Variants in KIF14 observed in about 807,000 individuals in gnomAD.
The protein encoded by KIF14 is kinesin family member 14, also known as kinesin-like protein KIF14.
Under a neutral mutation model 176.2 loss-of-function variants are expected in KIF14, and 98 were observed. That is an observed-to-expected ratio of 0.56 (90% CI 0.47 to 0.66). The LOEUF is 0.66. KIF14 is among the 30% of genes least tolerant of loss of function. The pLI is 0.00. For synonymous variants in KIF14, 566 were observed against 632.2 expected, an observed-to-expected ratio of 0.90 and a Z score of 1.57; for missense variants, 1,751 against 1,920.4, an observed-to-expected ratio of 0.91 and a Z score of 1.65.
chr1:200,613,041 C>T (rs370533644), intron 4 of KIF14, among the ~76,000 whole-genome samples: 71 of 152,132 alleles, frequency 4.7e-4, no homozygotes, highest in African/African-American at 1.6e-3. Context: ...GCATGTGCCA[C>T]CACACCTGGC....
chr1:200,611,824 T>C (rs1660169689), intron 4 of KIF14, among the ~76,000 whole-genome samples: 1 of 152,216 alleles, frequency 6.6e-6, no homozygotes, highest in Non-Finnish European at 1.5e-5. Flanking sequence ...ACCTTTTGTA[T>C]AGATCAACTC....
rs1489871846 is a variant in KIF14 at position 200,589,213 on chromosome 1, T to C, written c.3114+4A>G. ...AGAGTTAACTGGTTACACAATAAAA[T>C]TACCTGTTTTGTAGCCAATGTTTCC... On this transcript the variant is annotated splice_donor_region_variant and intron_variant, in intron 18 of 29. Coordinates refer to ENST00000367350, the MANE Select transcript of KIF14 (RefSeq NM_014875.3). 1.3e-5 allele frequency: 20 copies of C among 1,592,760 alleles called. No homozygotes were observed. The highest frequency in any genetic ancestry group is 1.7e-5 in the Non-Finnish European group (20 of 1,170,212).
At chr1:200,575,795 T>C (rs2102632072) in intron 21 of KIF14, 104 bp from the exon 22 acceptor site, 1 of 543,538 alleles carries the variant, frequency 1.8e-6, no homozygotes, top group East Asian at 3.1e-5. Flanking sequence ...AACCATAAAA[T>C]TAGCAGATTA....
chr1:200,572,237 T>C (rs1270090783), intron 22 of KIF14, among the ~76,000 whole-genome samples: 3 of 152,234 alleles, frequency 2.0e-5, no homozygotes, highest in Admixed American at 6.5e-5. Context: ...TTAGAAAACA[T>C]TGAGATGTTT....
chr1:200,585,171 T>C lies in KIF14; in HGVS notation c.3241+930A>G, dbSNP rs922749173. Among the ~76,000 whole-genome samples the C allele has an allele frequency of 2.6e-5, 4 of 151,894 alleles. No homozygotes were observed. The East Asian group carries it at 7.7e-4, about 29-fold the overall frequency. On this transcript the variant is annotated intron_variant, in intron 19 of 29. Coordinates refer to ENST00000367350, the MANE Select transcript of KIF14 (RefSeq NM_014875.3). ...CTCTGGAGGTCTAATGAACAGAAAG[T>C]TGCCTATAATTAATAATACTGTATT...
intron 8 of KIF14, among the ~76,000 whole-genome samples, chr1:200,604,613 T>C (rs982451989): frequency 2.6e-5 from 4 of 152,076 alleles, no homozygotes; most frequent in African/African-American, 9.7e-5. Flanking sequence ...ATAATATAAA[T>C]GTCCAACAGT....
At chr1:200,619,864 A>G (rs1660601128) in intron 1 of KIF14, among the ~76,000 whole-genome samples, 1 of 152,258 alleles carries the variant, frequency 6.6e-6, no homozygotes, top group East Asian at 1.9e-4. Context: ...TACAGCAACA[A>G]TATCTATCAG....
rs1446286324 is a variant in KIF14 at position 200,593,761 on chromosome 1, T to C, written c.2558A>G (p.Lys853Arg). 1.9e-6 allele frequency: 3 copies of C among 1,594,052 alleles called. No individual in the cohort carries two copies. Among genetic ancestry groups the C allele is most frequent in the East Asian group, 2.2e-5 (1 of 44,698 alleles). Residue 853 changes from lysine (K) to arginine (R), a missense_variant, in exon 15 of 30, where the codon AAA (lysine) becomes AGA (arginine). By Grantham distance (26) the Lys-to-Arg change is conservative (BLOSUM62 2). Coordinates refer to ENST00000367350, the MANE Select transcript of KIF14 (RefSeq NM_014875.3). ...AATACTCACTGTCCCACCAAAATTT[T>C]TGATAGTACTGTTAAAATAAGAAGC... ...VLIADDHCTI[K>R]NFGGTVSIIP...
At chr1:200,591,908 A>G (rs1659073277) in intron 16 of KIF14, among the ~76,000 whole-genome samples, 172 bp downstream of exon 16, 1 of 152,240 alleles carries the variant, frequency 6.6e-6, no homozygotes, top group Non-Finnish European at 1.5e-5. Context: ...TGACAGACAC[A>G]TAATAGATGG....
intron 27 of KIF14, among the ~76,000 whole-genome samples, chr1:200,555,821 TAATC>T (rs138778817): frequency 0.012 from 1,793 of 152,280 alleles, 12 homozygotes; most frequent in Non-Finnish European, 0.019. Flanking sequence ...CATGGGAAAA[TAATC>T]AGTCTAATTC....
chr1:200,605,619 T>C (rs1420848415), intron 7 of KIF14, among the ~76,000 whole-genome samples: 3 of 152,190 alleles, frequency 2.0e-5, no homozygotes, highest in Non-Finnish European at 4.4e-5. Flanking sequence ...TTTTCTGTCA[T>C]AGAAATCTGA....
chr1:200,601,511 T>C (rs560561605), intron 11 of KIF14, among the ~76,000 whole-genome samples: 1 of 152,310 alleles, frequency 6.6e-6, no homozygotes, highest in East Asian at 1.9e-4. Flanking sequence ...TCCAATTGCC[T>C]TTGGATCAAT....
At chr1:200,561,643 A>G (rs973404178) in intron 25 of KIF14, among the ~76,000 whole-genome samples, 6 of 152,164 alleles carry the variant, frequency 3.9e-5, no homozygotes, top group Non-Finnish European at 5.9e-5. Context: ...CTCACTTCAT[A>G]AATGTCTCAG....
intron 25 of KIF14, among the ~76,000 whole-genome samples, chr1:200,564,391 G>A (rs771954015): frequency 5.3e-5 from 8 of 152,076 alleles, no homozygotes; most frequent in Non-Finnish European, 8.8e-5. Flanking sequence ...TGGGCATGGC[G>A]GATGGGACCA....
At chr1:200,596,874 A>C (rs530001844) in intron 14 of KIF14, among the ~76,000 whole-genome samples, 19 of 125,122 alleles carry the variant, frequency 1.5e-4, no homozygotes, top group East Asian at 1.4e-3. Context: ...AGAACACTCT[A>C]TCTCTCTCTC....
At position 200,590,244 on chromosome 1, in the gene KIF14, A is replaced by C; in HGVS notation, c.2842T>G (p.Leu948Val). ...QLEAEIKEAQ[L>V]KAKEEMMQGI... Reference sequence around the variant, plus strand: ...TGCATCATTTCTTCCTTTGCCTTCAACTGAGCCTCTTTTATTTCTGCTTCA... The same window carrying C: ...TGCATCATTTCTTCCTTTGCCTTCACCTGAGCCTCTTTTATTTCTGCTTCA... Residue 948 changes from leucine (L) to valine (V), a missense_variant, in exon 17 of 30, where the codon TTG (leucine) becomes GTG (valine). Leu to Val is a conservative substitution (Grantham distance 32, BLOSUM62 1). Coordinates refer to ENST00000367350, the MANE Select transcript of KIF14 (RefSeq NM_014875.3). 2 of 1,613,644 alleles carry C rather than the reference A, an allele frequency of 1.2e-6. No individual in the cohort carries two copies. Among genetic ancestry groups the C allele is most frequent in the Non-Finnish European group, 1.7e-6 (2 of 1,179,918 alleles).
At chr1:200,589,671 C>CTTT (rs1204882989) in intron 17 of KIF14, among the ~76,000 whole-genome samples, 4,841 of 76,682 alleles carry the variant, frequency 0.063, 478 homozygotes, top group Non-Finnish European at 0.077. Context: ...CAACTTTTTT[C>CTTT]TTTTTTTTTT....
chr1:200,600,168 G>A (rs142883150), intron 12 of KIF14, 55 bp from the exon 13 acceptor site: 6 of 1,323,838 alleles, frequency 4.5e-6, no homozygotes, highest in East Asian at 2.3e-5. Flanking sequence ...GTATAAGATT[G>A]AGAGTCAAGA....
intron 18 of KIF14, among the ~76,000 whole-genome samples, chr1:200,588,612 C>T (rs116686882): frequency 0.013 from 1,984 of 152,208 alleles, 55 homozygotes; most frequent in African/African-American, 0.044. Flanking sequence ...CTTCAAGAAC[C>T]GCTAATAGAA....
Sources: gnomAD v4.1 joint callset for allele counts (sites outside exome capture counted in the v4.1 genomes callset) on GRCh38, gnomAD v4.1.1 for gene constraint, MANE v1.5 for transcripts, NCBI Gene and HGNC (gene_info 2026-07-23, HGNC 2026-07-21) for gene names.